KLHL18: variants seen among roughly 807,000 people sequenced by gnomAD.
KLHL18 encodes kelch like family member 18, also known as kelch-like protein 18.
Under a neutral mutation model 58.5 loss-of-function variants are expected in KLHL18, and 38 were observed. The ratio of observed to expected loss-of-function variants is 0.65; its 90% CI spans 0.50 to 0.85. The LOEUF (loss-of-function observed/expected upper bound fraction) is 0.85, where lower values mean the gene tolerates loss of function less well. Ranked by LOEUF, KLHL18 falls within the 40% of genes least tolerant of loss-of-function variation. KLHL18 has a pLI of 0.00. For missense variants in KLHL18, 624 were observed against 778.4 expected, an observed-to-expected ratio of 0.80 and a Z score of 2.36; for synonymous variants, 303 against 301.9, an observed-to-expected ratio of 1.00 and a Z score of -0.04.
At chr3:47,337,347 T>G in intron 7 of KLHL18, 2 of 157,846 alleles carry the variant, frequency 1.3e-5, no homozygotes, top group Admixed American at 5.9e-5. Context: ...ACATTCTAGC[T>G]ACCTGCTCTC....
chr3:47,325,121 A>G (rs191649633), intron 3 of KLHL18, among the ~76,000 whole-genome samples: 1 of 151,796 alleles, frequency 6.6e-6, no homozygotes, highest in East Asian at 1.9e-4. Context: ...ACAGAATGTG[A>G]TGGTGTCTCC....
chr3:47,285,183 G>A (rs777927114), intron 1 of KLHL18, among the ~76,000 whole-genome samples: 1 of 152,174 alleles, frequency 6.6e-6, no homozygotes, highest in Non-Finnish European at 1.5e-5. Flanking sequence ...ATCTGAGAAG[G>A]CGTGAGATCT....
In KLHL18 at chr3:47,343,895, A is replaced by C; in HGVS notation, c.1679A>C (p.His560Pro). Reference sequence around the variant, plus strand: ...ACATTCATGGCCCCCATGGCGTGCCATGAGGGAGGGGTCGGTGTGGGCTGC... The same window carrying C: ...ACATTCATGGCCCCCATGGCGTGCCCTGAGGGAGGGGTCGGTGTGGGCTGC... ...CWTFMAPMAC[H>P]EGGVGVGCIP... The change falls in exon 10 of 10, where the codon CAT (histidine) becomes CCT (proline). Residue 560 changes from histidine (H) to proline (P), a missense_variant. Coordinates refer to ENST00000232766, the MANE Select transcript of KLHL18 (RefSeq NM_025010.5). 6.2e-7 allele frequency: 1 copy of C among 1,614,120 alleles called. No individual in the cohort carries two copies. Among genetic ancestry groups the C allele is most frequent in the Non-Finnish European group, 8.5e-7 (1 of 1,180,002 alleles).
At position 47,340,560 on chromosome 3, in the gene KLHL18, T is replaced by C; in HGVS notation, c.1122-12T>C. The C allele has an allele frequency of 6.2e-7, 1 of 1,614,022 alleles. No homozygotes were observed. Among genetic ancestry groups the C allele is most frequent in the Non-Finnish European group, 8.5e-7 (1 of 1,179,948 alleles). On this transcript the variant is annotated splice_polypyrimidine_tract_variant and intron_variant, in intron 7 of 9. Transcript: ENST00000232766. ...TGCGGCTCATCTGGGATGACAGCTC[T>C]GTCTGTTTCAGTGCCATGGGGACAG... is the stretch of plus-strand genomic sequence containing the variant.
intron 8 of KLHL18, among the ~76,000 whole-genome samples, chr3:47,342,194 C>G (rs1704124683): frequency 6.6e-6 from 1 of 152,200 alleles, no homozygotes; most frequent in African/African-American, 2.4e-5. Context: ...AGCAATCCCT[C>G]TGGCTGGGTG....
At chr3:47,322,447 T>C in intron 2 of KLHL18, 121 bp from the exon 3 acceptor site, 1 of 852,038 alleles carries the variant, frequency 1.2e-6, no homozygotes. Context: ...AAGTAGTTAC[T>C]CCATTAGATA....
At chr3:47,325,027 G>GA (rs1198214041) in intron 3 of KLHL18, among the ~76,000 whole-genome samples, 5 of 152,136 alleles carry the variant, frequency 3.3e-5, no homozygotes, top group Admixed American at 2.0e-4. Context: ...ACAGACTCCA[G>GA]AGCCATGGCC....
At chr3:47,293,988 T>C (rs1435817938) in intron 1 of KLHL18, among the ~76,000 whole-genome samples, 2 of 152,240 alleles carry the variant, frequency 1.3e-5, no homozygotes, top group Non-Finnish European at 2.9e-5. Context: ...GACTGAATTA[T>C]TTACTGAGGT....
chr3:47,339,759 T>C lies in KLHL18; in HGVS notation c.1122-813T>C, dbSNP rs1021550867. ...CTGTCTTCCAGGAGCTCCTCACTTA[T>C]TAAGAGGTGGCAGATAGATTGGCTG... On this transcript the variant is annotated intron_variant, in intron 7 of 9. Transcript: ENST00000232766. Among the ~76,000 whole-genome samples the C allele has an allele frequency of 4.6e-5, 7 of 151,194 alleles. 1 individual carries two copies. Among genetic ancestry groups the C allele is most frequent in the Admixed American group, 4.6e-4 (7 of 15,124 alleles).
chr3:47,343,225 A>G (rs886646442), intron 9 of KLHL18, among the ~76,000 whole-genome samples: 4 of 152,222 alleles, frequency 2.6e-5, no homozygotes, highest in Admixed American at 2.0e-4. Context: ...TAGTCATTCC[A>G]TAGTCAGTCA....
chr3:47,330,911 C>G (rs1472293742), intron 4 of KLHL18, among the ~76,000 whole-genome samples: 2 of 151,440 alleles, frequency 1.3e-5, no homozygotes, highest in Non-Finnish European at 2.9e-5. Context: ...TTTATACTTT[C>G]AGTAGAGACG....
At chr3:47,304,032 C>T (rs545101030) in intron 1 of KLHL18, among the ~76,000 whole-genome samples, 2 of 152,172 alleles carry the variant, frequency 1.3e-5, no homozygotes, top group Non-Finnish European at 2.9e-5. Flanking sequence ...AGTTTCACAG[C>T]AAAATTGAGT....
rs1312135703 is a variant in KLHL18, at chr3:47,283,353, G to T, written c.129+259G>T. On this transcript the variant is annotated intron_variant, in intron 1 of 9. Transcript: ENST00000232766. ...TAGGCCCTTGGAGTGGGAGACACGG[G>T]TGACAGCCTCCTTTTTCTGTCATGC... 11 of 503,442 alleles carry T rather than the reference G, an allele frequency of 2.2e-5. No individual in the cohort carries two copies. The East Asian group carries it at 3.6e-4, about 16-fold the overall frequency. 31.2% of individuals were successfully genotyped at this position (503,442 alleles called of 1,614,324 possible).
chr3:47,283,056 A>T lies in KLHL18; in HGVS notation c.91A>T (p.Ile31Phe). The T allele has an allele frequency of 1.9e-6, 3 of 1,596,244 alleles. No homozygotes were observed. In the South Asian group the frequency reaches 3.4e-5, roughly 18 times the overall value. Residue 31 changes from isoleucine (I) to phenylalanine (F), a missense_variant, in exon 1 of 10, where the codon ATC becomes TTC. Transcript: ENST00000232766. ...PSRGYGVMEEIRRQGKLCDVT... is the reference protein window; with the variant it reads ...PSRGYGVMEEFRRQGKLCDVT... ...TCGCGGCTACGGCGTCATGGAGGAG[A>T]TCCGGCGGCAGGGCAAGCTGTGCGA...
intron 1 of KLHL18, among the ~76,000 whole-genome samples, chr3:47,288,220 CAAAAAAAAAA>C (rs768468646): frequency 1.3e-4 from 6 of 44,630 alleles, no homozygotes; most frequent in Non-Finnish European, 2.7e-4. Flanking sequence ...ACTCTGTCTC[CAAAAAAAAAA>C]AAAAAAAAAA....
Position 47,322,586 on chromosome 3 carries a change from C to G in KLHL18, c.279C>G (p.Ile93Met), listed in dbSNP as rs752648570. The G allele has an allele frequency of 3.7e-6, 6 of 1,605,444 alleles. No homozygotes were observed. The highest frequency in any genetic ancestry group is 5.1e-6 in the Non-Finnish European group (6 of 1,176,402). Residue 93 changes from isoleucine (I) to methionine (M), a missense_variant, in exon 3 of 10, where the codon ATC becomes ATG. Transcript: ENST00000232766. ...CCTCTAGTGCCCTGGAGGCTCTGAT[C>G]AACTTTGCCTACAACGGCAACCTTG... ...GMDPSALEALINFAYNGNLAI... is the reference protein window; with the variant it reads ...GMDPSALEALMNFAYNGNLAI...
chr3:47,323,929 C>A (rs1703646487), intron 3 of KLHL18, among the ~76,000 whole-genome samples: 2 of 152,222 alleles, frequency 1.3e-5, no homozygotes, highest in Admixed American at 1.3e-4. Flanking sequence ...ATCCTGCCCA[C>A]ACGGTGCTCA....
rs114952258 is a variant in KLHL18, at chr3:47,283,732, A to C, written c.129+638A>C. 2.8e-3 allele frequency among the ~76,000 whole-genome samples: 425 copies of C among 152,272 alleles called. 3 individuals carry two copies. The highest frequency in any genetic ancestry group is 9.8e-3 in the African/African-American group (407 of 41,548). On this transcript the variant is annotated intron_variant, in intron 1 of 9. Coordinates refer to ENST00000232766, the MANE Select transcript of KLHL18 (RefSeq NM_025010.5). ...TGCTGACTGATATTAAGAGGGAAAGATATCTTAACCACCTGTTCCCCACCA... is the reference window on the plus strand; with the variant it reads ...TGCTGACTGATATTAAGAGGGAAAGCTATCTTAACCACCTGTTCCCCACCA...
At chr3:47,327,551 A>T (rs1429394482) in intron 3 of KLHL18, among the ~76,000 whole-genome samples, 2 of 152,254 alleles carry the variant, frequency 1.3e-5, no homozygotes, top group African/African-American at 4.8e-5. Context: ...AACAAGTCTC[A>T]TTCAATCACT....
Sources: allele counts gnomAD v4.1 joint callset (sites outside exome capture counted in the v4.1 genomes callset), GRCh38; gene constraint gnomAD v4.1.1; transcripts MANE v1.5; gene names NCBI Gene and HGNC (gene_info 2026-07-23, HGNC 2026-07-21).